Variants in DENND3 observed in about 807,000 individuals in gnomAD.
DENND3 encodes DENN domain-containing protein 3.
In DENND3, 88 loss-of-function variants were observed where a neutral mutation model predicts 135.1. That is an observed-to-expected ratio of 0.65 (90% CI 0.55 to 0.78). The LOEUF (loss-of-function observed/expected upper bound fraction) is 0.78, where lower values mean the gene tolerates loss of function less well. DENND3 is among the 30% of genes least tolerant of loss of function. The pLI is 0.00. For missense variants in DENND3, 1,392 were observed against 1,688.4 expected (o/e 0.82, Z 3.08); for synonymous variants, 693 against 712.3 (o/e 0.97, Z 0.43).
At position 141,195,044 on chromosome 8, in the gene DENND3, C is replaced by T. The variant is rs931852168; in HGVS notation, c.*811C>T. On this transcript the variant is annotated 3_prime_UTR_variant, in exon 23 of 23. Transcript: ENST00000519811. ...TCTTCCAGCGTGCCGCTCAGTTCCC[C>T]GAATCCGTGTGCACACGTGTGATCT... 3 of 152,126 alleles carry T rather than the reference C, an allele frequency of 2.0e-5. No individual in the cohort carries two copies. Among genetic ancestry groups the T allele is most frequent in the Non-Finnish European group, 2.9e-5 (2 of 68,036 alleles). 9.4% of individuals were successfully genotyped at this position (152,126 alleles called of 1,614,324 possible).
At chr8:141,169,430 C>G (rs757202844) in intron 13 of DENND3, among the ~76,000 whole-genome samples, 1 of 152,234 alleles carries the variant, frequency 6.6e-6, no homozygotes, top group Non-Finnish European at 1.5e-5. Flanking sequence ...GCTCCTTGTC[C>G]GGGAGAATTG....
intron 8 of DENND3, among the ~76,000 whole-genome samples, chr8:141,159,994 T>C (rs1367751059): frequency 6.6e-6 from 1 of 152,138 alleles, no homozygotes; most frequent in East Asian, 1.9e-4. Context: ...TAGGCAGCCA[T>C]GAGTGACCCG....
intron 1 of DENND3, among the ~76,000 whole-genome samples, chr8:141,129,152 T>C (rs6578152): frequency 0.49 from 74,539 of 152,130 alleles, 18,949 homozygotes; most frequent in African/African-American, 0.62. Context: ...CTTCAGTCGC[T>C]CCCATCTTGG....
chr8:141,143,645 A>G (rs1817725839), intron 4 of DENND3, among the ~76,000 whole-genome samples: 1 of 152,064 alleles, frequency 6.6e-6, no homozygotes, highest in African/African-American at 2.4e-5. Flanking sequence ...GCCTCAAGTG[A>G]TTCTCCCACC....
At chr8:141,178,237 T>A (rs1233962828) in intron 16 of DENND3, 41 bp downstream of exon 16, 2 of 1,583,242 alleles carry the variant, frequency 1.3e-6, no homozygotes, top group Non-Finnish European at 1.7e-6. Flanking sequence ...TTGTCCTGAT[T>A]ACACGCCTTA....
intron 10 of DENND3, among the ~76,000 whole-genome samples, chr8:141,164,394 G>A (rs933336941): frequency 1.3e-5 from 2 of 152,200 alleles, no homozygotes; most frequent in Non-Finnish European, 2.9e-5. Flanking sequence ...TTGATCCTTT[G>A]GGGGTTTGTT....
At chr8:141,160,499 AC>A in intron 8 of DENND3, 132 bp from the exon 9 acceptor site, 1 of 1,174,004 alleles carries the variant, frequency 8.5e-7, no homozygotes, top group Non-Finnish European at 1.1e-6. Context: ...TACTTTAATG[AC>A]CACCCGCCCC....
intron 2 of DENND3, 141 bp downstream of exon 2, chr8:141,136,932 T>C (rs1816857473): frequency 1.4e-6 from 1 of 702,120 alleles, no homozygotes; most frequent in East Asian, 3.4e-5. Context: ...TTGTGGGATT[T>C]AGTTTTCTTA....
In DENND3 at chr8:141,150,832, A is replaced by T; in HGVS notation, c.736-2A>T. On this transcript the variant is annotated splice_acceptor_variant, in intron 5 of 22. Transcript: ENST00000519811. LOFTEE classifies it high-confidence loss of function. ...ACTAATGACGGGAACTGGTTGTCGT[A>T]GGTATTTAACATGAAGTCGCTCCAG... The T allele has an allele frequency of 1.3e-6, 2 of 1,594,176 alleles. No individual in the cohort carries two copies. The highest frequency in any genetic ancestry group is 1.7e-6 in the Non-Finnish European group (2 of 1,172,664).
chr8:141,165,699 G>C (rs1297321297), intron 11 of DENND3, among the ~76,000 whole-genome samples: 2 of 152,040 alleles, frequency 1.3e-5, no homozygotes, highest in African/African-American at 4.8e-5. Context: ...CCTGACCTCA[G>C]GTGATCCACC....
chr8:141,156,822 C>T (rs533012744), intron 8 of DENND3, among the ~76,000 whole-genome samples: 46 of 133,730 alleles, frequency 3.4e-4, no homozygotes, highest in Non-Finnish European at 5.7e-4. Flanking sequence ...GATGGAGTCT[C>T]GCACTGTTGC....
Position 141,168,385 on chromosome 8 carries a change from C to T in DENND3, c.2135C>T (p.Ser712Leu), listed in dbSNP as rs151057439. Reference protein sequence around the residue: ...SEILDKPHEASKLDDHVKKFK... With the variant: ...SEILDKPHEALKLDDHVKKFK... ...ATCCTGGACAAGCCGCACGAGGCCT[C>T]GAAGCTGGACGACCACGTGAAGAAG... is the stretch of plus-strand genomic sequence containing the variant. Residue 712 changes from serine to leucine, a missense_variant, in exon 13 of 23, where the codon TCG (serine) becomes TTG (leucine). Coordinates refer to ENST00000519811, the MANE Select transcript of DENND3 (RefSeq NM_001352890.3). This position sits in a 1 kb window ranked among gnomAD's most constrained non-coding sequence, Gnocchi z 6.2. 31 of 1,613,786 alleles carry T rather than the reference C, an allele frequency of 1.9e-5. No individual in the cohort carries two copies. Among genetic ancestry groups the T allele is most frequent in the East Asian group, 1.6e-4 (7 of 44,870 alleles).
At chr8:141,165,151 C>T in intron 10 of DENND3, 35 bp from the exon 11 acceptor site, 1 of 1,572,994 alleles carries the variant, frequency 6.4e-7, no homozygotes, top group South Asian at 1.1e-5. Context: ...GGGGAGTCGG[C>T]ACAGCCCAGT....
intron 18 of DENND3, among the ~76,000 whole-genome samples, chr8:141,186,391 A>G (rs1823892113): frequency 1.3e-5 from 2 of 152,184 alleles, no homozygotes; most frequent in South Asian, 4.1e-4. Flanking sequence ...TCCACTCGTC[A>G]CACATTATTC....
chr8:141,134,409 C>T (rs981019828), intron 1 of DENND3, among the ~76,000 whole-genome samples: 33 of 151,852 alleles, frequency 2.2e-4, no homozygotes, highest in African/African-American at 8.0e-4. Context: ...ATTCTCCTGC[C>T]TCAGCCTCTC....
intron 4 of DENND3, chr8:141,142,317 TAAC>T (rs1483616692): frequency 2.2e-6 from 1 of 453,798 alleles, no homozygotes; most frequent in Non-Finnish European, 4.4e-6. Context: ...AGAAAGCAGT[TAAC>T]AACAGTTCCC....
Position 141,137,876 on chromosome 8 carries a change from C to G in DENND3, c.386-146C>G, listed in dbSNP as rs539980385. On this transcript the variant is annotated intron_variant, in intron 2 of 22. Transcript: ENST00000519811. This position sits in a 1 kb window ranked among gnomAD's most constrained non-coding sequence, Gnocchi z 4.1. ...GAGGATAGACGGCCGGAGGCGTGAT[C>G]GGAAGAATGAACCCGCCTTGGACAT... 1 of 713,276 alleles carries G rather than the reference C, an allele frequency of 1.4e-6. No individual in the cohort carries two copies. Among genetic ancestry groups the G allele is most frequent in the African/African-American group, 1.8e-5 (1 of 55,908 alleles). 44.2% of individuals were successfully genotyped at this position (713,276 alleles called of 1,614,324 possible). A position where few individuals can be genotyped will look rare whatever the true frequency, so the allele number is the denominator to read the frequency against.
chr8:141,173,202 GC>G (rs780582943), intron 13 of DENND3, among the ~76,000 whole-genome samples: 1 of 152,378 alleles, frequency 6.6e-6, no homozygotes, highest in East Asian at 1.9e-4. Flanking sequence ...GGCCTGACAG[GC>G]CCCGCCCACT....
intron 20 of DENND3, 66 bp from the exon 21 acceptor site, chr8:141,192,265 C>G: frequency 6.3e-7 from 1 of 1,587,990 alleles, no homozygotes; most frequent in Middle Eastern, 1.7e-4. Flanking sequence ...GAGGCCGGCT[C>G]TGGTGCTGGC....
Sources: gnomAD v4.1 joint callset for allele counts (sites outside exome capture counted in the v4.1 genomes callset) on GRCh38, gnomAD v4.1.1 for gene constraint, Gnocchi (gnomAD v3.1) non-coding constraint, MANE v1.5 for transcripts, NCBI Gene and HGNC (gene_info 2026-07-23, HGNC 2026-07-21) for gene names.